The following PREX2 variants were observed in gnomAD, a reference collection of about 807,000 sequenced individuals.
PREX2 encodes the protein phosphatidylinositol-3,4,5-trisphosphate dependent Rac exchange factor 2, also known as phosphatidylinositol 3,4,5-trisphosphate-dependent Rac exchanger 2 protein.
Under a neutral mutation model 203.2 loss-of-function variants are expected in PREX2, and 107 were observed. The observed-to-expected ratio is 0.53, with a 90% CI of 0.45 to 0.62. The LOEUF (loss-of-function observed/expected upper bound fraction) is 0.62, where lower values mean the gene tolerates loss of function less well. Ranked by LOEUF, PREX2 falls within the 20% of genes least tolerant of loss-of-function variation. PREX2 has a pLI of 0.00. For missense variants in PREX2, 1,777 were observed against 1,955.9 expected (o/e 0.91, Z 1.72); for synonymous variants, 672 against 663.6 (o/e 1.01, Z -0.19).
At chr8:67,970,450 C>T (rs1805895550) in intron 1 of PREX2, among the ~76,000 whole-genome samples, 1 of 152,118 alleles carries the variant, frequency 6.6e-6, no homozygotes, top group Non-Finnish European at 1.5e-5. Flanking sequence ...AACCATACCC[C>T]TAATCTATTT....
At chr8:68,090,753 A>G in intron 20 of PREX2, 38 bp downstream of exon 20, 2 of 1,573,054 alleles carry the variant, frequency 1.3e-6, no homozygotes, top group Non-Finnish European at 1.7e-6. Flanking sequence ...CTGAGTGACT[A>G]CTTGCATAAA....
chr8:68,230,282 T>G (rs150596742), intron 39 of PREX2, among the ~76,000 whole-genome samples: 129 of 152,324 alleles, frequency 8.5e-4, no homozygotes, highest in African/African-American at 3.0e-3. Flanking sequence ...GTTTTCAATT[T>G]AGTCGGTAAA....
intron 34 of PREX2, among the ~76,000 whole-genome samples, chr8:68,152,523 G>A (rs932270881): frequency 4.6e-5 from 7 of 152,028 alleles, no homozygotes; most frequent in Admixed American, 2.0e-4. Context: ...GAGGTTTCAC[G>A]ACGACTCAAT....
intron 1 of PREX2, among the ~76,000 whole-genome samples, chr8:68,005,807 A>T (rs1457167835): frequency 6.6e-6 from 1 of 152,144 alleles, no homozygotes; most frequent in Non-Finnish European, 1.5e-5. Context: ...TAGAATGCAC[A>T]CTCATTGAGG....
Position 68,087,750 on chromosome 8 carries a change from A to G in PREX2, c.2054A>G (p.Asp685Gly). The part of the protein sequence containing the change: ...RETVKIPDSA[D>G]GLGFQIRGFG... The stretch of plus-strand genomic sequence containing the variant: ...ACAGTGAAAATTCCAGATTCAGCTG[A>G]TGGACTTGGCTTCCAGATCCGGGGA... The change falls in exon 19 of 40, where the codon GAT becomes GGT. Residue 685 changes from aspartate to glycine, a missense_variant. By Grantham distance (94) the Asp-to-Gly change is moderately conservative (BLOSUM62 -1). Transcript: ENST00000288368. The G allele has an allele frequency of 1.2e-6, 2 of 1,613,816 alleles. No individual in the cohort carries two copies. Among genetic ancestry groups the G allele is most frequent in the East Asian group, 4.5e-5 (2 of 44,862 alleles).
chr8:67,975,973 C>T (rs376736144), intron 1 of PREX2, among the ~76,000 whole-genome samples: 2 of 151,424 alleles, frequency 1.3e-5, no homozygotes, highest in African/African-American at 4.9e-5. Flanking sequence ...ACCTTGGCCT[C>T]CCAAAGTGCT....
intron 8 of PREX2, among the ~76,000 whole-genome samples, chr8:68,052,520 T>C (rs994901421): frequency 6.6e-6 from 1 of 152,242 alleles, no homozygotes; most frequent in Non-Finnish European, 1.5e-5. Context: ...ATGAAGTGGC[T>C]TTAAAGAGTG....
chr8:68,153,356 T>C (rs1203272830), intron 34 of PREX2, among the ~76,000 whole-genome samples: 1 of 152,240 alleles, frequency 6.6e-6, no homozygotes, highest in African/African-American at 2.4e-5. Context: ...TTTGAGTAAG[T>C]GGAAATGTAG....
At chr8:67,993,738 T>G (rs2129609553) in intron 1 of PREX2, among the ~76,000 whole-genome samples, 1 of 152,288 alleles carries the variant, frequency 6.6e-6, no homozygotes, top group Non-Finnish European at 1.5e-5. Context: ...ATTAACTATT[T>G]ATTGAGTATT....
At chr8:68,112,766 A>G (rs1810560216) in intron 25 of PREX2, among the ~76,000 whole-genome samples, 1 of 152,126 alleles carries the variant, frequency 6.6e-6, no homozygotes. Flanking sequence ...TTTGCACAGG[A>G]TATGTATGTA....
intron 31 of PREX2, among the ~76,000 whole-genome samples, chr8:68,131,248 A>G (rs1484482396): frequency 6.6e-6 from 1 of 152,252 alleles, no homozygotes; most frequent in Non-Finnish European, 1.5e-5. Flanking sequence ...GGTCCCGCTT[A>G]TGCCACTGTT....
intron 34 of PREX2, among the ~76,000 whole-genome samples, chr8:68,151,499 C>T (rs1425729468): frequency 1.3e-5 from 2 of 152,146 alleles, no homozygotes; most frequent in Non-Finnish European, 2.9e-5. Flanking sequence ...TGGGCACATA[C>T]AAACCTCGAC....
chr8:68,071,957 A>G (rs1809208389), intron 13 of PREX2, among the ~76,000 whole-genome samples: 1 of 152,146 alleles, frequency 6.6e-6, no homozygotes, highest in South Asian at 2.1e-4. Flanking sequence ...ATTTAAAGAG[A>G]AGAAATTCTA....
In PREX2 at chr8:68,120,210, C is replaced by A; in HGVS notation, c.3519C>A (p.Thr1173=). Residue 1173 remains threonine (T), a synonymous_variant, in exon 29 of 40, where the codon ACC becomes ACA. Transcript: ENST00000288368. ...ACTATTGATAGGTGGATTCAATTACCAATCTCCTAAAAGGGCAGGCTGTTG... is the reference window on the plus strand; with the variant it reads ...ACTATTGATAGGTGGATTCAATTACAAATCTCCTAAAAGGGCAGGCTGTTG... ...EHLFSQVDSI[T]NLLKGQAVVR... is the part of the protein sequence containing the mutation. 6.2e-7 allele frequency: 1 copy of A among 1,611,268 alleles called. No individual in the cohort carries two copies. Among genetic ancestry groups the A allele is most frequent in the Non-Finnish European group, 8.5e-7 (1 of 1,177,572 alleles).
At chr8:67,996,208 T>C (rs879905851) in intron 1 of PREX2, among the ~76,000 whole-genome samples, 1 of 152,142 alleles carries the variant, frequency 6.6e-6, no homozygotes, top group African/African-American at 2.4e-5. Context: ...TTTATTTATT[T>C]TTTTGGAGAC....
intron 1 of PREX2, among the ~76,000 whole-genome samples, chr8:67,992,753 C>T (rs979711585): frequency 2.0e-5 from 3 of 152,188 alleles, no homozygotes; most frequent in East Asian, 1.9e-4. Context: ...TCTGTAGCAA[C>T]GGTGCAGATT....
chr8:68,029,434 T>C (rs1304163662), intron 5 of PREX2, among the ~76,000 whole-genome samples: 3 of 152,148 alleles, frequency 2.0e-5, no homozygotes, highest in Non-Finnish European at 4.4e-5. Flanking sequence ...GCATAACTTT[T>C]AAACCTTGTC....
At chr8:68,038,517 G>C (rs1268965073) in intron 7 of PREX2, among the ~76,000 whole-genome samples, 1 of 152,118 alleles carries the variant, frequency 6.6e-6, no homozygotes, top group African/African-American at 2.4e-5. Context: ...GTCATCTGAT[G>C]ATGCTGGGTC....
chr8:68,071,232 GT>G (rs1339948265), intron 13 of PREX2, among the ~76,000 whole-genome samples: 4 of 152,118 alleles, frequency 2.6e-5, no homozygotes, highest in African/African-American at 9.7e-5. Context: ...TTGTTTTTGA[GT>G]TGTCAAGAGA....
Sources: gnomAD v4.1 joint callset for allele counts (sites outside exome capture counted in the v4.1 genomes callset) on GRCh38, gnomAD v4.1.1 for gene constraint, MANE v1.5 for transcripts, NCBI Gene and HGNC (gene_info 2026-07-23, HGNC 2026-07-21) for gene names.